The following BICC1 variants were observed in gnomAD, a reference collection of about 807,000 sequenced individuals.
BICC1 encodes the protein protein bicaudal C homolog 1.
In BICC1, 43 loss-of-function variants were observed where a neutral mutation model predicts 111.0. That is an observed-to-expected ratio of 0.39 (90% CI 0.30 to 0.50). The LOEUF (loss-of-function observed/expected upper bound fraction) is 0.50, where lower values mean the gene tolerates loss of function less well. Among genes scored for constraint, BICC1 ranks in the 20% least tolerant of loss-of-function variants. The probability of loss-of-function intolerance (pLI) is 0.88; values close to 1 mark genes in which losing one functional copy is unlikely to be tolerated. For missense variants in BICC1, 1,091 were observed against 1,203.2 expected, an observed-to-expected ratio of 0.91 and a Z score of 1.38; for synonymous variants, 467 against 434.4, an observed-to-expected ratio of 1.07 and a Z score of -0.93.
intron 9 of BICC1, 98 bp from the exon 10 acceptor site, chr10:58,796,242 T>G: frequency 1.0e-6 from 1 of 1,002,550 alleles, no homozygotes; most frequent in East Asian, 2.5e-5. Context: ...CTGAGTGGAA[T>G]TCTTATTAGC....
chr10:58,761,762 G>T (rs1464562662), intron 3 of BICC1, among the ~76,000 whole-genome samples: 1 of 152,082 alleles, frequency 6.6e-6, no homozygotes, highest in East Asian at 1.9e-4. Context: ...GGAAATCTTT[G>T]ATTTTTGGCA....
intron 2 of BICC1, among the ~76,000 whole-genome samples, chr10:58,695,893 A>T (rs1164265775): frequency 2.0e-5 from 3 of 152,154 alleles, no homozygotes; most frequent in African/African-American, 4.8e-5. Flanking sequence ...CATGGATGAA[A>T]CTACTTGTAG....
At chr10:58,601,142 ATATATATATATAT>A (rs1564506777) in intron 1 of BICC1, among the ~76,000 whole-genome samples, 21 of 119,520 alleles carry the variant, frequency 1.8e-4, no homozygotes, top group South Asian at 6.1e-4. Context: ...TTTAAAACTT[ATATATATATATAT>A]ATATATATAT....
intron 1 of BICC1, among the ~76,000 whole-genome samples, chr10:58,537,567 A>G (rs1842856419): frequency 6.6e-6 from 1 of 151,842 alleles, no homozygotes; most frequent in Non-Finnish European, 1.5e-5. Flanking sequence ...CCCCCTAAGA[A>G]TGGGAACAAG....
At chr10:58,738,635 G>A (rs1394664573) in intron 3 of BICC1, among the ~76,000 whole-genome samples, 1 of 141,826 alleles carries the variant, frequency 7.1e-6, no homozygotes, top group Admixed American at 7.2e-5. Flanking sequence ...AAAGTCATTG[G>A]TAGCTTGATG....
At chr10:58,678,330 C>G (rs900778292) in intron 2 of BICC1, among the ~76,000 whole-genome samples, 2 of 151,830 alleles carry the variant, frequency 1.3e-5, no homozygotes, top group East Asian at 1.9e-4. Flanking sequence ...CACATAGTCT[C>G]AAAATAAAGG....
At chr10:58,649,611 A>C (rs1838380479) in intron 2 of BICC1, among the ~76,000 whole-genome samples, 1 of 152,174 alleles carries the variant, frequency 6.6e-6, no homozygotes, top group East Asian at 1.9e-4. Context: ...GCCAGTTAAT[A>C]TTAGAGAAGC....
chr10:58,543,339 G>T (rs1478764697), intron 1 of BICC1, among the ~76,000 whole-genome samples: 1 of 152,060 alleles, frequency 6.6e-6, no homozygotes, highest in Non-Finnish European at 1.5e-5. Context: ...AAGTAGAATG[G>T]GTAGTTACCA....
chr10:58,817,794 C>T, intron 19 of BICC1, 72 bp downstream of exon 19: 2 of 1,424,332 alleles, frequency 1.4e-6, no homozygotes, highest in Non-Finnish European at 1.9e-6. Flanking sequence ...AATGAAATCA[C>T]TTATTGACCT....
At chr10:58,551,726 A>T (rs1397548855) in intron 1 of BICC1, among the ~76,000 whole-genome samples, 1 of 152,134 alleles carries the variant, frequency 6.6e-6, no homozygotes, top group Non-Finnish European at 1.5e-5. Context: ...TAGATTTCGC[A>T]TATAAGTGAG....
chr10:58,588,319 G>T (rs1291757025), intron 1 of BICC1, among the ~76,000 whole-genome samples: 1 of 152,196 alleles, frequency 6.6e-6, no homozygotes, highest in Non-Finnish European at 1.5e-5. Flanking sequence ...ACCTTGGTAA[G>T]TAGATGATAC....
intron 8 of BICC1, among the ~76,000 whole-genome samples, chr10:58,791,252 G>A (rs1843166620): frequency 6.6e-6 from 1 of 151,946 alleles, no homozygotes; most frequent in South Asian, 2.1e-4. Context: ...TTCTTTAGAT[G>A]TTATTTTTTA....
chr10:58,717,738 C>T (rs780488767), intron 3 of BICC1, among the ~76,000 whole-genome samples: 2 of 152,068 alleles, frequency 1.3e-5, no homozygotes, highest in South Asian at 2.1e-4. Flanking sequence ...TTTTATGTTG[C>T]GTAAATTCTT....
At chr10:58,529,782 C>A (rs886880348) in intron 1 of BICC1, among the ~76,000 whole-genome samples, 9 of 151,708 alleles carry the variant, frequency 5.9e-5, no homozygotes, top group African/African-American at 1.2e-4. Context: ...ATTACGTACA[C>A]AGAAAGATCA....
chr10:58,603,602 A>G (rs1845113462), intron 1 of BICC1, among the ~76,000 whole-genome samples: 1 of 152,186 alleles, frequency 6.6e-6, no homozygotes, highest in Non-Finnish European at 1.5e-5. Flanking sequence ...AAAAATATAC[A>G]TTTTGTGGTA....
intron 1 of BICC1, among the ~76,000 whole-genome samples, chr10:58,613,432 A>G (rs948051355): frequency 3.3e-5 from 5 of 152,348 alleles, no homozygotes; most frequent in Non-Finnish European, 7.4e-5. Flanking sequence ...AGTGTAATCA[A>G]ACTTTAAAGG....
In BICC1 at chr10:58,817,681, C is replaced by T; in HGVS notation, c.2653C>T (p.Leu885=). 1 of 1,613,052 alleles carries T rather than the reference C, an allele frequency of 6.2e-7. No homozygotes were observed. Among genetic ancestry groups the T allele is most frequent in the Non-Finnish European group, 8.5e-7 (1 of 1,179,452 alleles). Residue 885 remains leucine (L), a synonymous_variant, in exon 19 of 21, where the codon CTG becomes TTG. Coordinates refer to ENST00000373886, the MANE Select transcript of BICC1 (RefSeq NM_001080512.3). The part of the protein sequence containing the change: ...GSDLPELFSK[L]GLGKYTDVFQ... ...TGACCTCCCTGAGCTCTTCAGCAAA[C>T]TGGGCCTGGGCAAATACACAGATGT... is the stretch of plus-strand genomic sequence containing the variant.
chr10:58,659,106 A>C (rs1454615043), intron 2 of BICC1, among the ~76,000 whole-genome samples: 3 of 152,182 alleles, frequency 2.0e-5, no homozygotes, highest in African/African-American at 4.8e-5. Context: ...AGATCTGGTA[A>C]GGTTGTTGAA....
intron 1 of BICC1, among the ~76,000 whole-genome samples, chr10:58,556,288 G>A (rs75463421): frequency 0.028 from 4,253 of 152,054 alleles, 188 homozygotes; most frequent in African/African-American, 0.097. Flanking sequence ...TGCATTACTA[G>A]CTCTAAAATA....
Sources: gnomAD v4.1 joint callset for allele counts (sites outside exome capture counted in the v4.1 genomes callset) on GRCh38, gnomAD v4.1.1 for gene constraint, MANE v1.5 for transcripts, NCBI Gene and HGNC (gene_info 2026-07-23, HGNC 2026-07-21) for gene names.